The following SP140 variants were observed in gnomAD, a reference collection of about 807,000 sequenced individuals.
SP140 encodes the protein SP140 nuclear body protein.
Under a neutral mutation model 125.0 loss-of-function variants are expected in SP140, and 81 were observed. The observed-to-expected ratio is 0.65, with a 90% CI of 0.54 to 0.78. The LOEUF (loss-of-function observed/expected upper bound fraction) is 0.78, where lower values mean the gene tolerates loss of function less well. SP140 is among the 30% of genes least tolerant of loss of function. The probability of loss-of-function intolerance (pLI) is 0.00; values close to 1 mark genes in which losing one functional copy is unlikely to be tolerated. For synonymous variants in SP140, 312 were observed against 354.0 expected, an observed-to-expected ratio of 0.88 and a Z score of 1.33; for missense variants, 858 against 1,037.0, an observed-to-expected ratio of 0.83 and a Z score of 2.37.
At chr2:230,228,883 T>C (rs985880582) in intron 1 of SP140, among the ~76,000 whole-genome samples, 1 of 152,184 alleles carries the variant, frequency 6.6e-6, no homozygotes, top group African/African-American at 2.4e-5. Context: ...TTTAGACCAT[T>C]GGCATTAAAG....
At chr2:230,242,962 G>T (rs867381154) in intron 4 of SP140, among the ~76,000 whole-genome samples, 3 of 152,060 alleles carry the variant, frequency 2.0e-5, no homozygotes, top group Admixed American at 6.6e-5. Context: ...ATTTTAAAGT[G>T]CACATCAGAT....
chr2:230,301,428 A>G (rs1299492448), intron 22 of SP140, among the ~76,000 whole-genome samples: 1 of 152,254 alleles, frequency 6.6e-6, no homozygotes, highest in Non-Finnish European at 1.5e-5. Flanking sequence ...AATGATTAAC[A>G]GCAGACTTCT....
chr2:230,225,877 A>G lies in SP140; in HGVS notation c.33A>G (p.Ala11=). The G allele has an allele frequency of 1.2e-6, 2 of 1,614,024 alleles. No homozygotes were observed. Among genetic ancestry groups the G allele is most frequent in the Non-Finnish European group, 1.7e-6 (2 of 1,179,904 alleles). Residue 11 remains alanine, a synonymous_variant, in exon 1 of 27, where the codon GCA becomes GCG. Transcript: ENST00000392045. ...AGCAGGGCCAGCAGGGGCAGATGGCAAGTGGAGACAGCAATCTCAACTTCA... is the reference window on the plus strand; with the variant it reads ...AGCAGGGCCAGCAGGGGCAGATGGCGAGTGGAGACAGCAATCTCAACTTCA... MAQQGQQGQM[A]SGDSNLNFRM... is the part of the protein sequence containing the mutation.
rs757546093 is a variant in SP140 at position 230,212,697 on chromosome 2, G to A, written c.-322-957G>A. 3.2e-4 allele frequency: 505 copies of A among 1,591,070 alleles called. 1 individual carries two copies. Among genetic ancestry groups the A allele is most frequent in the Non-Finnish European group, 4.1e-4 (476 of 1,160,690 alleles). On this transcript the variant is annotated intron_variant, in intron 1 of 4. Coordinates refer to the SP140 transcript ENST00000456542. ...TAAAAGTCAAGATGCTGGGATTGGCGGCAACATGGCACAGGCACCTTAGGC... is the reference window on the plus strand; with the variant it reads ...TAAAAGTCAAGATGCTGGGATTGGCAGCAACATGGCACAGGCACCTTAGGC...
chr2:230,219,704 T>G (rs1423218003), intron 3 of SP140: 1 of 155,982 alleles, frequency 6.4e-6, no homozygotes, highest in Non-Finnish European at 1.4e-5. Context: ...CAGTGTTCCC[T>G]CCATGTGCCC....
At position 230,237,863 on chromosome 2, in the gene SP140, C is replaced by T. The variant is rs1227337785; in HGVS notation, c.238-350C>T. On this transcript the variant is annotated intron_variant, in intron 2 of 26. Transcript: ENST00000392045. This position sits in a 1 kb window ranked among gnomAD's most constrained non-coding sequence, Gnocchi z 5.4. ...GCTGGTTGATTGGTTTCCTGGAGCTCGTCAGGCCAGGCCAATCCTAGTAGT... is the reference window on the plus strand; with the variant it reads ...GCTGGTTGATTGGTTTCCTGGAGCTTGTCAGGCCAGGCCAATCCTAGTAGT... Among the ~76,000 whole-genome samples, 3 of 152,092 alleles carry T rather than the reference C, an allele frequency of 2.0e-5. No individual in the cohort carries two copies. The highest frequency in any genetic ancestry group is 4.8e-5 in the African/African-American group (2 of 41,402).
chr2:230,261,486 T>C (rs2052227152), intron 12 of SP140, among the ~76,000 whole-genome samples: 1 of 152,176 alleles, frequency 6.6e-6, no homozygotes, highest in Admixed American at 6.6e-5. Flanking sequence ...CTTCCAGTAC[T>C]ATGTTGAAGA....
At chr2:230,265,801 G>C (rs868375162) in intron 12 of SP140, among the ~76,000 whole-genome samples, 3 of 151,700 alleles carry the variant, frequency 2.0e-5, no homozygotes, top group African/African-American at 4.9e-5. Flanking sequence ...GGGGGGGGGC[G>C]GTCTCCTGGG....
intron 22 of SP140, among the ~76,000 whole-genome samples, chr2:230,309,384 C>G (rs940573335): frequency 2.5e-4 from 38 of 152,294 alleles, no homozygotes; most frequent in African/African-American, 8.7e-4. Context: ...ACGGTCCTTC[C>G]CCCTCAGAGG....
chr2:230,215,818 A>G (rs6761830), intron 3 of SP140, among the ~76,000 whole-genome samples: 96 of 152,256 alleles, frequency 6.3e-4, no homozygotes, highest in African/African-American at 2.1e-3. Flanking sequence ...ACAAATAAAT[A>G]CCCATTTACA....
At chr2:230,224,493 GGGAGACAGA>G (rs1474579056), upstream of SP140, among the ~76,000 whole-genome samples, 4 of 150,848 alleles carry the variant, frequency 2.7e-5, no homozygotes, top group African/African-American at 9.7e-5. Flanking sequence ...GGGAGAGAGA[GGGAGACAGA>G]GGAGAGAGAG....
intron 3 of SP140, among the ~76,000 whole-genome samples, chr2:230,239,775 C>T (rs9288661): frequency 0.62 from 93,567 of 152,072 alleles, 29,055 homozygotes; most frequent in Middle Eastern, 0.66. Context: ...TTTTGTCCCA[C>T]GTTTTTAATC....
In SP140 at chr2:230,210,278, A is replaced by G. The variant is rs540400324; in HGVS notation, c.-322-3376A>G. ...AGAGAGATTATCTTATGGATGGAAG[A>G]GAAGTGAGTGAAGAAGGTGCAATGA... On this transcript the variant is annotated intron_variant, in intron 1 of 4. Coordinates refer to the SP140 transcript ENST00000456542. Among the ~76,000 whole-genome samples, 629 of 152,302 alleles carry G rather than the reference A, an allele frequency of 4.1e-3. 4 individuals carry two copies. Among genetic ancestry groups the G allele is most frequent in the African/African-American group, 0.014 (582 of 41,564 alleles).
chr2:230,243,596 C>T, intron 4 of SP140, 135 bp from the exon 5 acceptor site: 1 of 651,016 alleles, frequency 1.5e-6, no homozygotes, highest in Admixed American at 2.3e-5. Context: ...ACTGAATCCT[C>T]AGGTCAGGTT....
At chr2:230,227,933 T>A (rs2046700896) in intron 1 of SP140, among the ~76,000 whole-genome samples, 1 of 152,160 alleles carries the variant, frequency 6.6e-6, no homozygotes, top group African/African-American at 2.4e-5. Context: ...TAATTTTAAT[T>A]TTTTTTCCTG....
intron 12 of SP140, among the ~76,000 whole-genome samples, chr2:230,264,835 G>A (rs2052811037): frequency 6.6e-6 from 1 of 152,206 alleles, no homozygotes; most frequent in Admixed American, 6.5e-5. Context: ...CCATCTATGG[G>A]TCTCTCAGCT....
intron 21 of SP140, among the ~76,000 whole-genome samples, chr2:230,297,066 G>A (rs1559354883): frequency 6.6e-6 from 1 of 152,220 alleles, no homozygotes; most frequent in Non-Finnish European, 1.5e-5. Context: ...TCAGAACAAG[G>A]AGAGGTTCAG....
At chr2:230,310,511 A>G in intron 23 of SP140, 3 of 915,904 alleles carry the variant, frequency 3.3e-6, no homozygotes, top group Non-Finnish European at 4.9e-6. Flanking sequence ...GAGAGTCCAC[A>G]CTCACGGTGA....
chr2:230,201,088 T>C (rs1217787684), upstream of SP140: 2 of 775,800 alleles, frequency 2.6e-6, no homozygotes, highest in African/African-American at 1.7e-5. Flanking sequence ...CTTACCCTCC[T>C]AACAATGCAT....
Sources: allele counts gnomAD v4.1 joint callset (sites outside exome capture counted in the v4.1 genomes callset), GRCh38; gene constraint gnomAD v4.1.1; non-coding constraint Gnocchi (gnomAD v3.1); transcripts MANE v1.5; gene names NCBI Gene and HGNC (gene_info 2026-07-23, HGNC 2026-07-21).